PPM1L: variants seen among roughly 807,000 people sequenced by gnomAD.
PPM1L encodes protein phosphatase 1L.
A neutral mutation model predicts 31.4 loss-of-function variants in PPM1L; 13 were observed. The ratio of observed to expected loss-of-function variants is 0.41; its 90% confidence interval spans 0.27 to 0.66. The LOEUF (loss-of-function observed/expected upper bound fraction) is 0.66, where lower values mean the gene tolerates loss of function less well. PPM1L is among the 30% of genes least tolerant of loss of function. The probability of loss-of-function intolerance (pLI) is 0.29; values close to 1 mark genes in which losing one functional copy is unlikely to be tolerated. For missense variants in PPM1L, 326 were observed against 453.7 expected (o/e 0.72, Z 2.56); for synonymous variants, 184 against 175.4 (o/e 1.05, Z -0.39).
At chr3:160,894,473 C>A (rs1234002810) in intron 1 of PPM1L, among the ~76,000 whole-genome samples, 4 of 151,940 alleles carry the variant, frequency 2.6e-5, no homozygotes, top group Non-Finnish European at 5.9e-5. Context: ...TTTGAATGGC[C>A]CCTCACACAC....
chr3:160,761,700 A>G (rs1197711586), intron 1 of PPM1L, among the ~76,000 whole-genome samples: 1 of 152,204 alleles, frequency 6.6e-6, no homozygotes, highest in Non-Finnish European at 1.5e-5. Context: ...TGCTGCTGAT[A>G]AAGACATACC....
chr3:160,823,792 T>C (rs893609021), intron 1 of PPM1L, among the ~76,000 whole-genome samples: 7 of 152,260 alleles, frequency 4.6e-5, no homozygotes, highest in African/African-American at 1.7e-4. Context: ...AAAGATAATG[T>C]AATTTGTTTA....
intron 2 of PPM1L, among the ~76,000 whole-genome samples, chr3:161,062,354 G>A (rs184166354): frequency 1.1e-3 from 161 of 152,256 alleles, no homozygotes; most frequent in African/African-American, 3.6e-3. Context: ...TGTAATCCCA[G>A]CACTTTAAAA....
chr3:160,900,608 A>C lies in PPM1L; in HGVS notation c.400-61128A>C, dbSNP rs187579426. Among the ~76,000 whole-genome samples, 13 of 152,142 alleles carry C rather than the reference A, an allele frequency of 8.5e-5. No homozygotes were observed. The East Asian group carries it at 2.5e-3, about 29-fold the overall frequency. On this transcript the variant is annotated intron_variant, in intron 1 of 3. Transcript: ENST00000498165. ...AGATTTTATTTCCACATCATTATCTATATAGGTGTACTTTACCTATACGTT... is the reference window on the plus strand; with the variant it reads ...AGATTTTATTTCCACATCATTATCTCTATAGGTGTACTTTACCTATACGTT...
intron 2 of PPM1L, among the ~76,000 whole-genome samples, chr3:161,008,787 G>C (rs1016521981): frequency 2.0e-5 from 3 of 152,188 alleles, no homozygotes; most frequent in Non-Finnish European, 4.4e-5. Context: ...AAGAAGATTT[G>C]CTGGAATGAT....
chr3:161,047,260 A>G lies in PPM1L; in HGVS notation c.575-18143A>G, dbSNP rs539470517. Reference sequence around the variant, plus strand: ...AGCAAAGTCTCAGTATACAAAATCAATGTGCAAAAATCACAAGCATTCTTA... The same window carrying G: ...AGCAAAGTCTCAGTATACAAAATCAGTGTGCAAAAATCACAAGCATTCTTA... On this transcript the variant is annotated intron_variant, in intron 2 of 3. Transcript: ENST00000498165. Among the ~76,000 whole-genome samples, 498 of 152,356 alleles carry G rather than the reference A, an allele frequency of 3.3e-3. 3 individuals carry two copies. The highest frequency in any genetic ancestry group is 6.8e-3 in the Middle Eastern group (2 of 294).
intron 2 of PPM1L, among the ~76,000 whole-genome samples, chr3:160,987,772 A>G (rs1019918815): frequency 2.0e-5 from 3 of 152,204 alleles, no homozygotes; most frequent in Non-Finnish European, 2.9e-5. Context: ...GTTTTAGTGC[A>G]ATGATTTAGG....
chr3:160,901,323 G>A (rs1053773612), intron 1 of PPM1L, among the ~76,000 whole-genome samples: 3 of 151,924 alleles, frequency 2.0e-5, no homozygotes, highest in African/African-American at 7.3e-5. Context: ...TTATAACATA[G>A]CCTCCTAGTT....
chr3:160,768,783 G>A (rs753498125), intron 1 of PPM1L, among the ~76,000 whole-genome samples: 13 of 152,118 alleles, frequency 8.5e-5, no homozygotes, highest in South Asian at 2.1e-4. Context: ...AAGTGGAAGC[G>A]GATTAAACAC....
intron 1 of PPM1L, among the ~76,000 whole-genome samples, chr3:160,823,231 T>G (rs912095058): frequency 6.6e-6 from 1 of 152,106 alleles, no homozygotes; most frequent in Non-Finnish European, 1.5e-5. Context: ...TTTATTTACT[T>G]TCTTTGATTT....
chr3:160,873,359 G>C (rs1204215092), intron 1 of PPM1L, among the ~76,000 whole-genome samples: 1 of 152,096 alleles, frequency 6.6e-6, no homozygotes, highest in Non-Finnish European at 1.5e-5. Flanking sequence ...GTGCTAACCT[G>C]GAAATTTAAT....
intron 2 of PPM1L, among the ~76,000 whole-genome samples, chr3:160,994,492 G>T (rs549546574): frequency 4.7e-4 from 71 of 152,312 alleles, no homozygotes; most frequent in African/African-American, 1.7e-3. Flanking sequence ...TGTGTTCCAT[G>T]GGACAGCCTG....
intron 2 of PPM1L, among the ~76,000 whole-genome samples, chr3:161,006,436 C>T (rs1275838180): frequency 6.6e-6 from 1 of 152,054 alleles, no homozygotes; most frequent in African/African-American, 2.4e-5. Flanking sequence ...GTTATACAAC[C>T]ATGTGAATAT....
chr3:161,031,675 A>C (rs1718570851), intron 2 of PPM1L, among the ~76,000 whole-genome samples: 1 of 151,170 alleles, frequency 6.6e-6, no homozygotes, highest in African/African-American at 2.4e-5. Flanking sequence ...AATTTTTTAA[A>C]ATTTATATTT....
chr3:161,032,181 G>GT (rs1321144834), intron 2 of PPM1L, among the ~76,000 whole-genome samples: 1 of 152,196 alleles, frequency 6.6e-6, no homozygotes, highest in Non-Finnish European at 1.5e-5. Context: ...TTATTTTCCT[G>GT]TAAGTGGCAG....
At chr3:160,810,928 A>G (rs1712785572) in intron 1 of PPM1L, among the ~76,000 whole-genome samples, 1 of 152,180 alleles carries the variant, frequency 6.6e-6, no homozygotes, top group African/African-American at 2.4e-5. Flanking sequence ...TGAACGGAAA[A>G]TATTTTCTGT....
intron 3 of PPM1L, 135 bp downstream of exon 3, chr3:161,065,699 T>C (rs969083714): frequency 1.1e-5 from 7 of 633,554 alleles, no homozygotes; most frequent in African/African-American, 1.9e-5. Flanking sequence ...TGAGATTGAC[T>C]TTGTAACATT....
At chr3:160,966,526 A>G (rs1716150695) in intron 2 of PPM1L, among the ~76,000 whole-genome samples, 1 of 152,112 alleles carries the variant, frequency 6.6e-6, no homozygotes, top group South Asian at 2.1e-4. Context: ...TGGCTACATC[A>G]TATTCTATTT....
intron 1 of PPM1L, among the ~76,000 whole-genome samples, chr3:160,936,375 G>A (rs906835121): frequency 5.9e-5 from 9 of 152,174 alleles, no homozygotes; most frequent in African/African-American, 2.2e-4. Flanking sequence ...ACAGGCATGA[G>A]CCACTGTGCC....
Sources: gnomAD v4.1 joint callset for allele counts (sites outside exome capture counted in the v4.1 genomes callset) on GRCh38, gnomAD v4.1.1 for gene constraint, MANE v1.5 for transcripts, NCBI Gene and HGNC (gene_info 2026-07-23, HGNC 2026-07-21) for gene names.